STT3A: variants seen among roughly 807,000 people sequenced by gnomAD.
The protein encoded by STT3A is STT3 oligosaccharyltransferase complex catalytic subunit A, also known as dolichyl-diphosphooligosaccharide--protein glycosyltransferase subunit STT3A.
A neutral mutation model predicts 89.2 loss-of-function variants in STT3A; 34 were observed. That is an observed-to-expected ratio of 0.38 (90% CI 0.29 to 0.51). STT3A has a LOEUF of 0.51. Ranked by LOEUF, STT3A falls within the 20% of genes least tolerant of loss-of-function variation. The pLI is 0.89. For missense variants in STT3A, 555 were observed against 889.5 expected, an observed-to-expected ratio of 0.62 and a Z score of 4.78; for synonymous variants, 282 against 310.3, an observed-to-expected ratio of 0.91 and a Z score of 0.96.
chr11:125,609,302 G>A (rs1040899759), intron 9 of STT3A, 132 bp from the exon 10 acceptor site: 11 of 1,133,236 alleles, frequency 9.7e-6, no homozygotes, highest in African/African-American at 3.1e-5. Flanking sequence ...CTAAGTATTG[G>A]TGGCAATTAA....
intron 2 of STT3A, among the ~76,000 whole-genome samples, chr11:125,596,456 C>T (rs531925143): frequency 6.6e-6 from 1 of 152,166 alleles, no homozygotes; most frequent in Admixed American, 6.5e-5. Context: ...CAGAGCAAGA[C>T]TCTGTCTCAA....
rs1318164394 is a variant in STT3A at position 125,602,336 on chromosome 11, T to G, written c.183T>G (p.Ala61=). Residue 61 remains alanine, a synonymous_variant, in exon 4 of 18, where the codon GCT becomes GCG. Coordinates refer to ENST00000392708, the MANE Select transcript of STT3A (RefSeq NM_152713.5). ...ATTATCGGACTACCAGGTTCCTGGCTGAGGAGGGGTTTTATAAATTCCATA... is the reference window on the plus strand; with the variant it reads ...ATTATCGGACTACCAGGTTCCTGGCGGAGGAGGGGTTTTATAAATTCCATA... The part of the protein sequence containing the change: ...YFNYRTTRFL[A]EEGFYKFHNW... The G allele has an allele frequency of 1.2e-6, 2 of 1,613,814 alleles. No homozygotes were observed. The highest frequency in any genetic ancestry group is 2.2e-5 in the South Asian group (2 of 91,030).
intron 10 of STT3A, 199 bp downstream of exon 10, chr11:125,609,788 C>A: frequency 2.1e-6 from 1 of 480,406 alleles, no homozygotes; most frequent in East Asian, 3.4e-5. Flanking sequence ...TTGGCAAGTT[C>A]AGCCTCACAG....
chr11:125,614,256 A>G lies in STT3A; in HGVS notation c.1671+53A>G, dbSNP rs920232425. 6.2e-7 allele frequency: 1 copy of G among 1,612,202 alleles called. No individual in the cohort carries two copies. The highest frequency in any genetic ancestry group is 1.7e-5 in the Admixed American group (1 of 59,992). On this transcript the variant is annotated intron_variant, in intron 14 of 17. Coordinates refer to ENST00000392708, the MANE Select transcript of STT3A (RefSeq NM_152713.5). This position sits in a 1 kb window ranked among gnomAD's most constrained non-coding sequence, Gnocchi z 4.9. ...TTTGGTGTACAAGGTCTAATGGGAA[A>G]TGTGTCTGCATGAGGGGATCATATG...
In STT3A at chr11:125,613,377, C is replaced by G. The variant is rs1940082997; in HGVS notation, c.1554+200C>G. On this transcript the variant is annotated intron_variant, in intron 13 of 17. Coordinates refer to ENST00000392708, the MANE Select transcript of STT3A (RefSeq NM_152713.5). The surrounding 1 kb of genome is among the most constrained non-coding windows in gnomAD (Gnocchi z 4.2). ...TGTAGTTACTCTTACTAGTAATTAT[C>G]TAGACTTTGCATGCACACTTTTATT... Among the ~76,000 whole-genome samples, 1 of 152,126 alleles carries G rather than the reference C, an allele frequency of 6.6e-6. No homozygotes were observed. Among genetic ancestry groups the G allele is most frequent in the South Asian group, 2.1e-4 (1 of 4,834 alleles).
intron 16 of STT3A, among the ~76,000 whole-genome samples, chr11:125,619,424 C>G (rs372524370): frequency 5.3e-5 from 8 of 152,132 alleles, no homozygotes; most frequent in African/African-American, 1.9e-4. Context: ...TGTCACATAA[C>G]TAATGGCAGA....
At chr11:125,620,489 G>A (rs1415087945) in intron 17 of STT3A, among the ~76,000 whole-genome samples, 1 of 152,148 alleles carries the variant, frequency 6.6e-6, no homozygotes, top group Admixed American at 6.5e-5. Flanking sequence ...AAGGTATATA[G>A]AGTCATATAG....
chr11:125,602,442 G>GT lies in STT3A; in HGVS notation c.271+29dup, dbSNP rs527876553. The GT allele has an allele frequency of 0.027, 31,955 of 1,171,096 alleles. 3 individuals are homozygous for GT. The highest frequency in any genetic ancestry group is 0.047 in the South Asian group (2,814 of 59,886). 72.5% of individuals were successfully genotyped at this position (1,171,096 alleles called of 1,614,324 possible). A position where few individuals can be genotyped will look rare whatever the true frequency, so the allele number is the denominator to read the frequency against. On this transcript the variant is annotated intron_variant, in intron 4 of 17. Transcript: ENST00000392708. ...TTACCCAGGTGAGGAGACCAGATGT[G>GT]TTTTTTTTTTTAAAAAAAAAACAGA... is the stretch of plus-strand genomic sequence containing the variant.
At position 125,592,906 on chromosome 11, in the gene STT3A, G is replaced by A. The variant is rs756855349; in HGVS notation, c.-48G>A. 1.0e-4 allele frequency: 18 copies of A among 178,132 alleles called. No homozygotes were observed. The highest frequency in any genetic ancestry group is 2.0e-4 in the Non-Finnish European group (16 of 81,736). 11.0% of individuals were successfully genotyped at this position (178,132 alleles called of 1,614,324 possible). ...TGAGGGAGCCCCGCGGATCGTTTAG[G>A]AAAGCCGGCCAGGTGAGAAGGCCGT... On this transcript the variant is annotated 5_prime_UTR_variant, in exon 1 of 18. Coordinates refer to ENST00000392708, the MANE Select transcript of STT3A (RefSeq NM_152713.5).
chr11:125,606,492 C>T, intron 8 of STT3A, 27 bp downstream of exon 8: 1 of 1,591,406 alleles, frequency 6.3e-7, no homozygotes, highest in South Asian at 1.1e-5. Flanking sequence ...GTAGGGTTTT[C>T]AGCTTCTACT....
intron 11 of STT3A, among the ~76,000 whole-genome samples, chr11:125,611,801 TATTTTTTTCTTGAA>T (rs1940025456): frequency 6.6e-6 from 1 of 151,856 alleles, no homozygotes. Context: ...CGGGAGATGA[TATTTTTTTCTTGAA>T]GGCTTGGGAG....
At position 125,620,005 on chromosome 11, in the gene STT3A, C is replaced by T. The variant is rs562788766; in HGVS notation, c.1964-6C>T. The T allele has an allele frequency of 1.2e-5, 20 of 1,613,068 alleles. No homozygotes were observed. In the East Asian group the frequency reaches 3.8e-4, roughly 31 times the overall value. ...AAGAAGTGTGTTCTTTTTCATCCCTCTCTAGAGCGTCCTCCAGGCTTTGAC... is the reference window on the plus strand; with the variant it reads ...AAGAAGTGTGTTCTTTTTCATCCCTTTCTAGAGCGTCCTCCAGGCTTTGAC... On this transcript the variant is annotated splice_polypyrimidine_tract_variant and splice_region_variant and intron_variant, in intron 16 of 17. Transcript: ENST00000392708.
chr11:125,621,608 C>T lies in STT3A; in HGVS notation c.*798C>T, dbSNP rs966550695. The T allele has an allele frequency of 2.0e-5, 3 of 152,170 alleles. No homozygotes were observed. Among genetic ancestry groups the T allele is most frequent in the Admixed American group, 6.5e-5 (1 of 15,276 alleles). 9.4% of individuals were successfully genotyped at this position (152,170 alleles called of 1,614,324 possible). On this transcript the variant is annotated 3_prime_UTR_variant, in exon 18 of 18. Coordinates refer to ENST00000392708, the MANE Select transcript of STT3A (RefSeq NM_152713.5). ...TCAGTACTCTCACTTATTCATGACA[C>T]AGGAATGACCCTTTACTCAAAACTC...
At chr11:125,601,656 A>G (rs1375058553) in intron 3 of STT3A, among the ~76,000 whole-genome samples, 3 of 152,046 alleles carry the variant, frequency 2.0e-5, no homozygotes, top group African/African-American at 4.8e-5. Flanking sequence ...GCCAAAATCT[A>G]TTGGTGCCCA....
intron 1 of STT3A, among the ~76,000 whole-genome samples, chr11:125,594,628 ATAAC>A (rs1939431887): frequency 6.6e-6 from 1 of 152,146 alleles, no homozygotes; most frequent in African/African-American, 2.4e-5. Context: ...TTATACAAGA[ATAAC>A]TAACCTATGG....
intron 1 of STT3A, chr11:125,593,461 T>A (rs1224942301): frequency 6.6e-6 from 1 of 152,174 alleles, no homozygotes; most frequent in African/African-American, 2.4e-5. Flanking sequence ...GTGTCTTTGC[T>A]CTTATTTGCT....
intron 17 of STT3A, 59 bp from the exon 18 acceptor site, chr11:125,620,713 G>C: frequency 1.3e-6 from 2 of 1,566,010 alleles, no homozygotes; most frequent in South Asian, 1.1e-5. Context: ...CATTTTAGTA[G>C]AAAATTTCTC....
At chr11:125,619,669 T>G (rs1940289613) in intron 16 of STT3A, among the ~76,000 whole-genome samples, 2 of 152,204 alleles carry the variant, frequency 1.3e-5, no homozygotes, top group African/African-American at 4.8e-5. Flanking sequence ...GGTCTTTGAC[T>G]TCTGGTAGGC....
chr11:125,607,090 C>T (rs944137394), intron 8 of STT3A, among the ~76,000 whole-genome samples: 1 of 152,198 alleles, frequency 6.6e-6, no homozygotes, highest in Non-Finnish European at 1.5e-5. Context: ...AGAAACCGTA[C>T]TTCCAGTACC....
Sources: allele counts gnomAD v4.1 joint callset (sites outside exome capture counted in the v4.1 genomes callset), GRCh38; gene constraint gnomAD v4.1.1; non-coding constraint Gnocchi (gnomAD v3.1); transcripts MANE v1.5; gene names NCBI Gene and HGNC (gene_info 2026-07-23, HGNC 2026-07-21).